Variants in DENND1A observed in about 807,000 individuals in gnomAD.
The protein encoded by DENND1A is DENN domain-containing protein 1A.
In DENND1A, 51 loss-of-function variants were observed where a neutral mutation model predicts 113.7. The ratio of observed to expected loss-of-function variants is 0.45; its 90% CI spans 0.36 to 0.57. The LOEUF is 0.57. DENND1A is among the 20% of genes least tolerant of loss of function. The probability of loss-of-function intolerance (pLI) is 0.00; values close to 1 mark genes in which losing one functional copy is unlikely to be tolerated. For synonymous variants in DENND1A, 565 were observed against 570.8 expected, an observed-to-expected ratio of 0.99 and a Z score of 0.14; for missense variants, 1,258 against 1,395.9, an observed-to-expected ratio of 0.90 and a Z score of 1.57.
intron 12 of DENND1A, among the ~76,000 whole-genome samples, chr9:123,558,622 T>G (rs2057561246): frequency 6.6e-6 from 1 of 152,168 alleles, no homozygotes; most frequent in African/African-American, 2.4e-5. Flanking sequence ...AACAAACCCG[T>G]TGGCCAAATG....
chr9:123,450,659 G>C (rs773026946), intron 18 of DENND1A, 34 bp downstream of exon 18: 8 of 1,587,764 alleles, frequency 5.0e-6, no homozygotes, highest in Non-Finnish European at 5.2e-6. Context: ...TTCATACATG[G>C]TGCTTATACA....
Position 123,422,655 on chromosome 9 carries a change from A to G in DENND1A, c.1489-10826T>C, listed in dbSNP as rs985933743. Among the ~76,000 whole-genome samples, 1 of 152,202 alleles carries G rather than the reference A, an allele frequency of 6.6e-6. No homozygotes were observed. Among genetic ancestry groups the G allele is most frequent in the African/African-American group, 2.4e-5 (1 of 41,446 alleles). Reference sequence around the variant, plus strand: ...TAAAATCCTAGCTAATAGGTTAACAACTGTTTTTCTTCAGCTTCAAATGAA... The same window carrying G: ...TAAAATCCTAGCTAATAGGTTAACAGCTGTTTTTCTTCAGCTTCAAATGAA... On this transcript the variant is annotated intron_variant, in intron 19 of 23. Coordinates refer to ENST00000394215, the MANE Select transcript of DENND1A (RefSeq NM_001352964.2). This position sits in a 1 kb window ranked among gnomAD's most constrained non-coding sequence, Gnocchi z 4.8.
chr9:123,684,248 C>T (rs904109755), intron 5 of DENND1A, among the ~76,000 whole-genome samples: 2 of 152,148 alleles, frequency 1.3e-5, no homozygotes, highest in African/African-American at 4.8e-5. Flanking sequence ...CTCTAATCTG[C>T]AGTGCCACAG....
chr9:123,508,250 G>A (rs546062054), intron 13 of DENND1A, among the ~76,000 whole-genome samples: 4 of 152,320 alleles, frequency 2.6e-5, no homozygotes, highest in East Asian at 3.9e-4. Flanking sequence ...TGATGACAAC[G>A]GGATCATATT....
intron 18 of DENND1A, among the ~76,000 whole-genome samples, chr9:123,442,524 G>C (rs1375927757): frequency 6.6e-6 from 1 of 151,970 alleles, no homozygotes; most frequent in South Asian, 2.1e-4. Context: ...GAATGAATAA[G>C]GTCAAACATG....
intron 5 of DENND1A, among the ~76,000 whole-genome samples, chr9:123,683,700 C>G (rs186194699): frequency 1.3e-5 from 2 of 152,296 alleles, no homozygotes. Context: ...ATAATACGTG[C>G]TTGTTTGCCT....
chr9:123,450,574 A>G, intron 18 of DENND1A, 119 bp downstream of exon 18: 2 of 697,670 alleles, frequency 2.9e-6, no homozygotes, highest in Non-Finnish European at 4.7e-6. Flanking sequence ...CTGGTAATGC[A>G]TTTTGAAGTG....
chr9:123,383,957 A>G lies in DENND1A; in HGVS notation c.1761-44T>C, dbSNP rs748187165. ...GCTGCACTCTCCCACCCAGGCCTTC[A>G]GGGGAGGAGCAAGCGGACTCCAGCC... On this transcript the variant is annotated intron_variant, in intron 22 of 23. Coordinates refer to ENST00000394215, the MANE Select transcript of DENND1A (RefSeq NM_001352964.2). The G allele has an allele frequency of 5.1e-6, 8 of 1,579,088 alleles. No homozygotes were observed. The South Asian group carries it at 5.7e-5, about 11-fold the overall frequency.
At chr9:123,553,441 G>T (rs530237357) in intron 13 of DENND1A, among the ~76,000 whole-genome samples, 1 of 148,756 alleles carries the variant, frequency 6.7e-6, no homozygotes, top group Non-Finnish European at 1.5e-5. Flanking sequence ...TCTGATCCGC[G>T]GCCAGGGTTG....
intron 2 of DENND1A, among the ~76,000 whole-genome samples, chr9:123,868,502 G>A (rs1293589144): frequency 6.6e-6 from 1 of 152,128 alleles, no homozygotes; most frequent in Non-Finnish European, 1.5e-5. Context: ...ACTAAAACAG[G>A]TACTATTAGT....
At chr9:123,619,715 G>C (rs2060842411) in intron 10 of DENND1A, among the ~76,000 whole-genome samples, 1 of 152,060 alleles carries the variant, frequency 6.6e-6, no homozygotes, top group Non-Finnish European at 1.5e-5. Context: ...CTGCAGTTCG[G>C]GCCAGAACTG....
intron 21 of DENND1A, among the ~76,000 whole-genome samples, chr9:123,393,535 A>T (rs1353272924): frequency 1.3e-5 from 2 of 148,878 alleles, no homozygotes; most frequent in Non-Finnish European, 3.0e-5. Flanking sequence ...CATCTTAAAA[A>T]AATAAAAAAA....
chr9:123,909,715 A>G (rs745901273), intron 1 of DENND1A, among the ~76,000 whole-genome samples: 1 of 152,170 alleles, frequency 6.6e-6, no homozygotes, highest in Non-Finnish European at 1.5e-5. Flanking sequence ...GGCAAGAAAT[A>G]AAAAGTATAA....
At chr9:123,928,516 C>T in intron 1 of DENND1A, 3 of 970,818 alleles carry the variant, frequency 3.1e-6, no homozygotes, top group Non-Finnish European at 2.4e-6. Flanking sequence ...TTGTTTGGAG[C>T]ATGCTTCTAA....
At chr9:123,763,863 A>G (rs1005546766) in intron 4 of DENND1A, among the ~76,000 whole-genome samples, 2 of 152,144 alleles carry the variant, frequency 1.3e-5, no homozygotes, top group African/African-American at 4.8e-5. Context: ...GAATGACAGA[A>G]GCAGAAGACA....
At chr9:123,921,265 T>C (rs991403139) in intron 1 of DENND1A, among the ~76,000 whole-genome samples, 1 of 152,220 alleles carries the variant, frequency 6.6e-6, no homozygotes. Context: ...CAATATCTCT[T>C]TTAATTATCA....
intron 10 of DENND1A, among the ~76,000 whole-genome samples, chr9:123,625,914 C>T (rs762970329): frequency 6.4e-4 from 98 of 152,188 alleles, no homozygotes; most frequent in Non-Finnish European, 2.1e-4. Flanking sequence ...AACCGTGCGA[C>T]AGGGTCTCAT....
chr9:123,511,346 G>C (rs1267521163), intron 13 of DENND1A, among the ~76,000 whole-genome samples: 1 of 152,224 alleles, frequency 6.6e-6, no homozygotes, highest in Non-Finnish European at 1.5e-5. Context: ...AACACAGCGG[G>C]GGTGCTAGGT....
chr9:123,587,755 A>G (rs998317172), intron 11 of DENND1A, among the ~76,000 whole-genome samples: 1 of 152,344 alleles, frequency 6.6e-6, no homozygotes, highest in Non-Finnish European at 1.5e-5. Flanking sequence ...ACAATCCTGC[A>G]TGCAATTTTG....
Sources: gnomAD v4.1 joint callset for allele counts (sites outside exome capture counted in the v4.1 genomes callset) on GRCh38, gnomAD v4.1.1 for gene constraint, Gnocchi (gnomAD v3.1) non-coding constraint, MANE v1.5 for transcripts, NCBI Gene and HGNC (gene_info 2026-07-23, HGNC 2026-07-21) for gene names.